The following SNTG1 variants were observed in gnomAD, a reference collection of about 807,000 sequenced individuals.
SNTG1 encodes the protein syntrophin gamma 1, also known as gamma-1-syntrophin.
A neutral mutation model predicts 74.7 loss-of-function variants in SNTG1; 39 were observed. The observed-to-expected ratio is 0.52, with a 90% CI of 0.40 to 0.68. SNTG1 has a LOEUF of 0.68. Among genes scored for constraint, SNTG1 ranks in the 30% least tolerant of loss-of-function variants. The probability of loss-of-function intolerance (pLI) is 0.00; values close to 1 mark genes in which losing one functional copy is unlikely to be tolerated. For missense variants in SNTG1, 685 were observed against 609.5 expected (o/e 1.12, Z -1.30); for synonymous variants, 254 against 217.1 (o/e 1.17, Z -1.49).
intron 1 of SNTG1, among the ~76,000 whole-genome samples, chr8:50,037,351 C>T (rs564504304): frequency 2.6e-5 from 4 of 152,252 alleles, no homozygotes; most frequent in Non-Finnish European, 5.9e-5. Flanking sequence ...GCAGGTCTAA[C>T]GTGGGGCCTG....
At chr8:50,421,038 G>A (rs2093076365) in intron 4 of SNTG1, among the ~76,000 whole-genome samples, 1 of 104,194 alleles carries the variant, frequency 9.6e-6, no homozygotes, top group African/African-American at 3.3e-5. Context: ...AAAAAAAAAG[G>A]CGGTGGGCGG....
chr8:50,244,076 G>A (rs779451281), intron 2 of SNTG1, among the ~76,000 whole-genome samples: 1 of 152,100 alleles, frequency 6.6e-6, no homozygotes, highest in Non-Finnish European at 1.5e-5. Context: ...TGGCTTCTGG[G>A]GAGGACTCAG....
intron 2 of SNTG1, among the ~76,000 whole-genome samples, chr8:50,175,954 G>A (rs2082984451): frequency 6.6e-6 from 1 of 152,120 alleles, no homozygotes; most frequent in Admixed American, 6.6e-5. Flanking sequence ...CTAGGAGCAT[G>A]AGGAACCCTG....
chr8:49,995,754 G>C (rs923722699), intron 1 of SNTG1, among the ~76,000 whole-genome samples: 1 of 152,192 alleles, frequency 6.6e-6, no homozygotes, highest in Non-Finnish European at 1.5e-5. Context: ...GTGTCTGTGT[G>C]GGTCACCCTC....
chr8:50,259,508 A>AAAAAGAAAGAAAGAAAGAAAG (rs1554621879), intron 2 of SNTG1, among the ~76,000 whole-genome samples: 4 of 15,746 alleles, frequency 2.5e-4, no homozygotes, highest in African/African-American at 3.1e-4. Context: ...CAAAAAAAAA[A>AAAAAGAAAGAAAGAAAGAAAG]AAAGAAAGAA....
chr8:50,600,880 A>G (rs1374294308), intron 13 of SNTG1, among the ~76,000 whole-genome samples: 2 of 151,316 alleles, frequency 1.3e-5, no homozygotes. Flanking sequence ...TTTAAGGCAT[A>G]TTAGGCTAGC....
chr8:50,618,705 T>C (rs1037446543), intron 13 of SNTG1, among the ~76,000 whole-genome samples: 7 of 152,184 alleles, frequency 4.6e-5, no homozygotes, highest in Non-Finnish European at 1.5e-5. Context: ...TTCTTGTAGC[T>C]GTATGACTGA....
At chr8:50,485,936 C>G (rs1386600381) in intron 8 of SNTG1, among the ~76,000 whole-genome samples, 3 of 151,024 alleles carry the variant, frequency 2.0e-5, no homozygotes, top group African/African-American at 7.3e-5. Flanking sequence ...GAATCCTGTC[C>G]CCATTGCTTG....
At chr8:50,025,677 T>C (rs1023807893) in intron 1 of SNTG1, among the ~76,000 whole-genome samples, 4 of 152,216 alleles carry the variant, frequency 2.6e-5, no homozygotes, top group African/African-American at 7.2e-5. Flanking sequence ...GAAAATCTCA[T>C]ATTTTTATAA....
At chr8:50,082,606 C>T (rs1249384649) in intron 1 of SNTG1, among the ~76,000 whole-genome samples, 2 of 152,102 alleles carry the variant, frequency 1.3e-5, no homozygotes, top group Non-Finnish European at 2.9e-5. Flanking sequence ...AGACTTTGAG[C>T]CAGTAAACTT....
At chr8:50,008,288 T>C (rs1815439552) in intron 1 of SNTG1, among the ~76,000 whole-genome samples, 1 of 152,180 alleles carries the variant, frequency 6.6e-6, no homozygotes, top group Non-Finnish European at 1.5e-5. Flanking sequence ...ACTTTTCTTG[T>C]ATGAAAATGA....
chr8:49,951,509 C>CA (rs934422865), intron 1 of SNTG1, among the ~76,000 whole-genome samples: 12 of 147,836 alleles, frequency 8.1e-5, no homozygotes, highest in South Asian at 4.3e-4. Context: ...ATCGCAAGAA[C>CA]AAAAAACCAA....
intron 18 of SNTG1, chr8:50,762,445 T>A: frequency 3.5e-6 from 1 of 285,872 alleles, no homozygotes; most frequent in Non-Finnish European, 7.0e-6. Context: ...CATAAAAAAC[T>A]CACGGGACAT....
intron 9 of SNTG1, among the ~76,000 whole-genome samples, chr8:50,513,042 T>A (rs1023190520): frequency 6.6e-6 from 1 of 152,224 alleles, no homozygotes; most frequent in East Asian, 1.9e-4. Context: ...CCCATCTTTA[T>A]GATTTTATCT....
chr8:50,660,405 GAAAGAAAA>G (rs1563708450), intron 15 of SNTG1, among the ~76,000 whole-genome samples: 139 of 11,854 alleles, frequency 0.012, 1 homozygote, highest in African/African-American at 0.026. Context: ...AAAAGAGAAA[GAAAGAAAA>G]GAAAGAAAGA....
chr8:49,975,408 A>C (rs549260687), intron 1 of SNTG1, among the ~76,000 whole-genome samples: 2 of 152,304 alleles, frequency 1.3e-5, no homozygotes, highest in East Asian at 1.9e-4. Flanking sequence ...AAGCTATTCA[A>C]GGAAGCTTCC....
intron 1 of SNTG1, among the ~76,000 whole-genome samples, chr8:49,943,076 G>A (rs559773095): frequency 6.6e-6 from 1 of 152,210 alleles, no homozygotes; most frequent in South Asian, 2.1e-4. Context: ...TGTTTATTTT[G>A]TAATTTCAGT....
At chr8:50,403,053 G>A (rs902405872) in intron 4 of SNTG1, among the ~76,000 whole-genome samples, 2 of 152,134 alleles carry the variant, frequency 1.3e-5, no homozygotes, top group Non-Finnish European at 2.9e-5. Context: ...GACGAGTTCT[G>A]GAGTTTATCA....
At chr8:50,041,895 T>C (rs1160547445) in intron 1 of SNTG1, among the ~76,000 whole-genome samples, 4 of 152,204 alleles carry the variant, frequency 2.6e-5, no homozygotes, top group African/African-American at 9.6e-5. Flanking sequence ...GGCTACAAAA[T>C]TCACAGCTGC....
Sources: gnomAD v4.1 joint callset for allele counts (sites outside exome capture counted in the v4.1 genomes callset) on GRCh38, gnomAD v4.1.1 for gene constraint, MANE v1.5 for transcripts, NCBI Gene and HGNC (gene_info 2026-07-23, HGNC 2026-07-21) for gene names.